Variants in NEB observed in about 807,000 individuals in gnomAD.
The protein encoded by NEB is nebulin.
A neutral mutation model predicts 952.2 loss-of-function variants in NEB; 512 were observed. The ratio of observed to expected loss-of-function variants is 0.54; its 90% CI spans 0.50 to 0.58. The LOEUF (loss-of-function observed/expected upper bound fraction) is 0.58. Ranked by LOEUF, NEB falls within the 20% of genes least tolerant of loss-of-function variation. The pLI is 0.00. For missense variants in NEB, 8,428 were observed against 9,231.1 expected (o/e 0.91, Z 3.56); for synonymous variants, 2,900 against 3,149.8 (o/e 0.92, Z 2.66).
chr2:151,651,050 G>A lies in NEB; in HGVS notation c.6916-165C>T, dbSNP rs115013318. ...TTTTCTAGCTTCAGCCTCCCTAGTA[G>A]CTGGGATTTACAGGTACATGCCACC... On this transcript the variant is annotated intron_variant, in intron 52 of 181. Transcript: ENST00000397345. Among the ~76,000 whole-genome samples the A allele has an allele frequency of 3.7e-3, 556 of 152,072 alleles. 1 individual carries two copies. The highest frequency in any genetic ancestry group is 6.3e-3 in the Admixed American group (96 of 15,272).
At chr2:151,722,374 C>G (rs1326304264) in intron 9 of NEB, among the ~76,000 whole-genome samples, 2 of 152,114 alleles carry the variant, frequency 1.3e-5, no homozygotes, top group Admixed American at 6.6e-5. Flanking sequence ...CTCTGTTAAG[C>G]CTTTTAAGTT....
rs200002537 is a variant in NEB at position 151,671,187 on chromosome 2, C to T, written c.4342G>A (p.Gly1448Arg). Residue 1448 changes from glycine (G) to arginine (R), a missense_variant, in exon 38 of 182, where the codon GGA (glycine) becomes AGA (arginine). Coordinates refer to ENST00000397345, the MANE Select transcript of NEB (RefSeq NM_001164508.2). Reference sequence around the variant, plus strand: ...TCCAGGGAACCAATAGGGATCCATCCGATGCCCTTCAAGAAGCTGTTATAC... The same window carrying T: ...TCCAGGGAACCAATAGGGATCCATCTGATGCCCTTCAAGAAGCTGTTATAC... The part of the protein sequence containing the change: ...DEYNSFLKGI[G>R]WIPIGSLEVE... The T allele has an allele frequency of 5.6e-5, 91 of 1,613,780 alleles. No homozygotes were observed. The highest frequency in any genetic ancestry group is 4.0e-5 in the African/African-American group (3 of 74,894).
Position 151,655,365 on chromosome 2 carries a change from T to A in NEB, c.6712A>T (p.Thr2238Ser). 6.4e-7 allele frequency: 1 copy of A among 1,564,186 alleles called. No individual in the cohort carries two copies. The highest frequency in any genetic ancestry group is 8.7e-7 in the Non-Finnish European group (1 of 1,148,420). ...NAHTMNKHLYTIDWNKDKTKI... is the reference protein window; with the variant it reads ...NAHTMNKHLYSIDWNKDKTKI... ...GTCTTATCTTTATTCCAATCAATGGTGTATAAATGCTAGGAAGTGGGAAAA... is the reference window on the plus strand; with the variant it reads ...GTCTTATCTTTATTCCAATCAATGGAGTATAAATGCTAGGAAGTGGGAAAA... Residue 2238 changes from threonine (T) to serine (S), a missense_variant, in exon 51 of 182, where the codon ACC (threonine) becomes TCC (serine). Thr to Ser is a moderately conservative substitution (Grantham distance 58). Transcript: ENST00000397345.
Position 151,567,240 on chromosome 2 carries a change from C to G in NEB, c.18084G>C (p.Leu6028Phe). The G allele has an allele frequency of 1.2e-6, 2 of 1,613,844 alleles. No individual in the cohort carries two copies. The highest frequency in any genetic ancestry group is 1.7e-6 in the Non-Finnish European group (2 of 1,179,806). The change falls in exon 114 of 182, where the codon TTG becomes TTC. Residue 6028 changes from leucine to phenylalanine, a missense_variant. By Grantham distance (22) the Leu-to-Phe change is conservative. Around this residue, in one of 11 missense-constraint regions of NEB, gnomAD observed 3,374 missense variants for 3,651.5 expected, o/e 0.92. Coordinates refer to ENST00000397345, the MANE Select transcript of NEB (RefSeq NM_001164508.2). ...GGTCAGGATGACACATCCATTGGTG[C>G]AAGTAATTACGATAATCAATATCAC... is the stretch of plus-strand genomic sequence containing the variant. The part of the protein sequence containing the change: ...LVSDIDYRNY[L>F]HQWMCHPDQN...
In NEB at chr2:151,644,013, C is replaced by G. The variant is rs869312958; in HGVS notation, c.7761G>C (p.Arg2587Ser). 10 of 1,613,854 alleles carry G rather than the reference C, an allele frequency of 6.2e-6. No homozygotes were observed. In the African/African-American group the frequency reaches 8.0e-5, roughly 13 times the overall value. Reference sequence around the variant, plus strand: ...ACTTCTCAAAGTCCTTCTTGTACTCCCTGTCACTCTGGATCTTGGCCACAT... The same window carrying G: ...ACTTCTCAAAGTCCTTCTTGTACTCGCTGTCACTCTGGATCTTGGCCACAT... Reference protein sequence around the residue: ...SMHVAKIQSDREYKKDFEKWK... With the variant: ...SMHVAKIQSDSEYKKDFEKWK... The change falls in exon 57 of 182, where the codon AGG becomes AGC. Residue 2587 changes from arginine (R) to serine (S), a missense_variant. Arg to Ser is a moderately radical substitution (Grantham distance 110, BLOSUM62 -1). Coordinates refer to ENST00000397345, the MANE Select transcript of NEB (RefSeq NM_001164508.2).
chr2:151,485,757 T>A lies in NEB; in HGVS notation c.*3A>T, dbSNP rs777522469. On this transcript the variant is annotated 3_prime_UTR_variant, in exon 182 of 182. Coordinates refer to ENST00000397345, the MANE Select transcript of NEB (RefSeq NM_001164508.2). ...TGCAGACAAGTGTGATGCTTTGAAA[T>A]GCCTAAATAGCTTCAACGTAGTTGG... The A allele has an allele frequency of 6.2e-7, 1 of 1,602,228 alleles. No homozygotes were observed. Among genetic ancestry groups the A allele is most frequent in the Non-Finnish European group, 8.5e-7 (1 of 1,171,286 alleles).
At chr2:151,515,053 T>C (rs2076876162) in intron 157 of NEB, 125 bp from the exon 158 acceptor site, 1 of 639,284 alleles carries the variant, frequency 1.6e-6, no homozygotes, top group Non-Finnish European at 2.7e-6. Context: ...GTTCTGCTAA[T>C]GGTCACACAT....
chr2:151,502,789 A>G lies in NEB; in HGVS notation c.23928+4T>C, dbSNP rs768465696. 25 of 1,572,994 alleles carry G rather than the reference A, an allele frequency of 1.6e-5. No homozygotes were observed. The highest frequency in any genetic ancestry group is 1.5e-4 in the Admixed American group (9 of 59,658). On this transcript the variant is annotated splice_donor_region_variant and intron_variant, in intron 167 of 181. Transcript: ENST00000397345. The stretch of plus-strand genomic sequence containing the variant: ...TTTTTTTTTTTTGGCCCCCTAAGAA[A>G]TACCGAGCTAAAGTTCTCTTGATTG...
Position 151,493,197 on chromosome 2 carries a change from T to G in NEB, c.24765+156A>C. The G allele has an allele frequency of 5.0e-6, 3 of 601,444 alleles. No individual in the cohort carries two copies. The East Asian group carries it at 8.6e-5, about 17-fold the overall frequency. 37.3% of individuals were successfully genotyped at this position (601,444 alleles called of 1,614,324 possible). On this transcript the variant is annotated intron_variant, in intron 176 of 181. Transcript: ENST00000397345. ...AATTTTCAGTTGAATAAGTGCAAAT[T>G]TTTATGGTGTTAAAACGTTACTTTC... is the stretch of plus-strand genomic sequence containing the variant.
At chr2:151,532,372 T>C (rs1482545312) in intron 143 of NEB, among the ~76,000 whole-genome samples, 1 of 152,236 alleles carries the variant, frequency 6.6e-6, no homozygotes, top group Non-Finnish European at 1.5e-5. Context: ...CATATTGTAT[T>C]GAACATGTAC....
At position 151,666,173 on chromosome 2, in the gene NEB, TGTA is replaced by T. The variant is rs770192528; in HGVS notation, c.4945_4947del (p.Tyr1649del). 206 of 1,613,988 alleles carry T rather than the reference TGTA, an allele frequency of 1.3e-4. 1 individual carries two copies. The African/African-American group carries it at 2.5e-3, about 20-fold the overall frequency. On this transcript the variant is annotated inframe_deletion, in exon 41 of 182. Transcript: ENST00000397345. Reference sequence around the variant, plus strand: ...AGAGTGTAGTGGTGGTATGACTGTCTGTAGTTGGCGTTGGTGGCAACCTCCTGA... The same window carrying T: ...AGAGTGTAGTGGTGGTATGACTGTCTGTTGGCGTTGGTGGCAACCTCCTGA...
chr2:151,644,172 C>A, intron 56 of NEB, 43 bp from the exon 57 acceptor site: 1 of 1,595,202 alleles, frequency 6.3e-7, no homozygotes, highest in South Asian at 1.1e-5. Context: ...AAATTTACTT[C>A]TGTTGCCATC....
chr2:151,499,144 G>C (rs537508368), intron 169 of NEB, among the ~76,000 whole-genome samples, 154 bp downstream of exon 169: 1 of 152,156 alleles, frequency 6.6e-6, no homozygotes, highest in Non-Finnish European at 1.5e-5. Context: ...ACCAAAATGG[G>C]GAAAACTGAT....
In NEB at chr2:151,492,375, T is replaced by C; in HGVS notation, c.24873+12A>G. The C allele has an allele frequency of 1.9e-6, 3 of 1,596,316 alleles. No individual in the cohort carries two copies. The highest frequency in any genetic ancestry group is 2.6e-6 in the Non-Finnish European group (3 of 1,169,558). The stretch of plus-strand genomic sequence containing the variant: ...CAGGCAGCCAGCCAATCCTAAAGAA[T>C]TCCTGACTCACCGTTGAGATGTGCC... On this transcript the variant is annotated intron_variant, in intron 177 of 181. Coordinates refer to ENST00000397345, the MANE Select transcript of NEB (RefSeq NM_001164508.2).
chr2:151,677,564 C>T lies in NEB; in HGVS notation c.3774+1G>A, dbSNP rs111293259. The T allele has an allele frequency of 6.2e-7, 1 of 1,611,438 alleles. No homozygotes were observed. The highest frequency in any genetic ancestry group is 8.5e-7 in the Non-Finnish European group (1 of 1,177,896). On this transcript the variant is annotated splice_donor_variant, in intron 34 of 181. Coordinates refer to ENST00000397345, the MANE Select transcript of NEB (RefSeq NM_001164508.2). LOFTEE classifies it high-confidence loss of function. ...TGTCCTCTCTATTTTATTGTACTCACATCACTGACTTGCTTCGTGTTCTGT... is the reference window on the plus strand; with the variant it reads ...TGTCCTCTCTATTTTATTGTACTCATATCACTGACTTGCTTCGTGTTCTGT...
intron 140 of NEB, among the ~76,000 whole-genome samples, 192 bp from the exon 141 acceptor site, chr2:151,537,428 G>A (rs2093369132): frequency 6.6e-6 from 1 of 152,106 alleles, no homozygotes. Flanking sequence ...ACATATGGAA[G>A]TTTTCCATTT....
Position 151,666,257 on chromosome 2 carries a change from T to C in NEB, c.4864A>G (p.Lys1622Glu). The change falls in exon 41 of 182, where the codon AAG (lysine) becomes GAG (glutamate). Residue 1622 changes from lysine to glutamate, a missense_variant. By Grantham distance (56) the Lys-to-Glu change is moderately conservative. Coordinates refer to ENST00000397345, the MANE Select transcript of NEB (RefSeq NM_001164508.2). The part of the protein sequence containing the change: ...REYKKGYEAS[K>E]TKYHTPLDMV... Reference sequence around the variant, plus strand: ...TCCAGAGGTGTGTGGTACTTGGTCTTGCTGGCTTCATAGCCCTTTTTGTAC... The same window carrying C: ...TCCAGAGGTGTGTGGTACTTGGTCTCGCTGGCTTCATAGCCCTTTTTGTAC... The C allele has an allele frequency of 6.2e-7, 1 of 1,613,986 alleles. No individual in the cohort carries two copies. Among genetic ancestry groups the C allele is most frequent in the South Asian group, 1.1e-5 (1 of 91,084 alleles).
rs1553614214 is a variant in NEB at position 151,512,753 on chromosome 2, CTTG to C, written c.23323_23325del (p.Gln7775del). The C allele has an allele frequency of 3.1e-6, 5 of 1,613,690 alleles. No individual in the cohort carries two copies. Among genetic ancestry groups the C allele is most frequent in the East Asian group, 4.5e-5 (2 of 44,868 alleles). On this transcript the variant is annotated inframe_deletion, in exon 161 of 182. Transcript: ENST00000397345. ...CTTACCTGGCTTGAAAGATTCTTGA[CTTG>C]TTGGGCATGAATGATCTCTGGAGTA...
In NEB at chr2:151,717,502, G is replaced by A; in HGVS notation, c.736C>T (p.Leu246Phe). The A allele has an allele frequency of 4.3e-6, 7 of 1,613,630 alleles. No homozygotes were observed. The highest frequency in any genetic ancestry group is 5.9e-6 in the Non-Finnish European group (7 of 1,179,656). Residue 246 changes from leucine to phenylalanine, a missense_variant, in exon 10 of 182, where the codon CTC (leucine) becomes TTC (phenylalanine). Around this residue, in one of 11 missense-constraint regions of NEB, gnomAD observed 2,851 missense variants for 2,791.5 expected, o/e 1.02. Transcript: ENST00000397345. ...ALSDVAYKKG[L>F]AEQQAQFTPL... Reference sequence around the variant, plus strand: ...GTGAATTGAGCTTGCTGTTCAGCGAGACCTTTTTTGTAGGCAACCTGATGA... The same window carrying A: ...GTGAATTGAGCTTGCTGTTCAGCGAAACCTTTTTTGTAGGCAACCTGATGA...
Sources: gnomAD v4.1 joint callset for allele counts (sites outside exome capture counted in the v4.1 genomes callset) on GRCh38, gnomAD v4.1.1 for gene constraint, gnomAD v4.1.1 regional missense constraint, MANE v1.5 for transcripts, NCBI Gene and HGNC (gene_info 2026-07-23, HGNC 2026-07-21) for gene names.